NIBAN1: variants seen among roughly 807,000 people sequenced by gnomAD.
NIBAN1 encodes niban apoptosis regulator 1, also known as protein Niban 1.
In NIBAN1, 81 loss-of-function variants were observed where a neutral mutation model predicts 75.1. The ratio of observed to expected loss-of-function variants is 1.08; its 90% CI spans 0.90 to 1.30. The LOEUF is 1.30. NIBAN1 is among the 50% of genes most tolerant of loss of function. NIBAN1 has a pLI of 0.00. For missense variants in NIBAN1, 1,133 were observed against 1,128.1 expected (o/e 1.00, Z -0.06); for synonymous variants, 436 against 424.8 (o/e 1.03, Z -0.32).
intron 1 of NIBAN1, among the ~76,000 whole-genome samples, chr1:184,927,111 TTC>T: frequency 6.6e-6 from 1 of 152,354 alleles, no homozygotes; most frequent in Admixed American, 6.5e-5. Context: ...CTATTTTTAA[TTC>T]TCTGTCTGAA....
intron 1 of NIBAN1, among the ~76,000 whole-genome samples, chr1:184,903,718 A>G (rs1332221891): frequency 6.8e-6 from 1 of 147,016 alleles, no homozygotes; most frequent in African/African-American, 2.5e-5. Flanking sequence ...ACCAAGAACC[A>G]TGAGCCGATT....
chr1:184,836,468 T>C (rs1655148869), intron 5 of NIBAN1, among the ~76,000 whole-genome samples: 1 of 152,214 alleles, frequency 6.6e-6, no homozygotes, highest in Non-Finnish European at 1.5e-5. Flanking sequence ...ACTTGAAATC[T>C]TGTCCATTAC....
Position 184,794,480 on chromosome 1 carries a change from C to T in NIBAN1, c.*497G>A. 1 of 220,992 alleles carries T rather than the reference C, an allele frequency of 4.5e-6. No homozygotes were observed. Among genetic ancestry groups the T allele is most frequent in the Non-Finnish European group, 9.1e-6 (1 of 110,140 alleles). The allele number at this position is 220,992 out of a possible 1,614,324, so 13.7% of individuals were successfully genotyped here. ...GCCAGCACGGGTGACTGTTCATGACCTACCCTCTCTTGCAGTCTGACTGTG... is the reference window on the plus strand; with the variant it reads ...GCCAGCACGGGTGACTGTTCATGACTTACCCTCTCTTGCAGTCTGACTGTG... On this transcript the variant is annotated 3_prime_UTR_variant, in exon 14 of 14. Transcript: ENST00000367511.
intron 5 of NIBAN1, among the ~76,000 whole-genome samples, chr1:184,874,817 A>G (rs976076065): frequency 3.9e-5 from 6 of 152,148 alleles, no homozygotes; most frequent in African/African-American, 1.4e-4. Flanking sequence ...AAGTAAGGAT[A>G]TAGATTTGAA....
At chr1:184,866,185 T>C (rs1028849330) in intron 5 of NIBAN1, among the ~76,000 whole-genome samples, 1 of 152,104 alleles carries the variant, frequency 6.6e-6, no homozygotes, top group African/African-American at 2.4e-5. Flanking sequence ...AAATAGTCAA[T>C]GATGACATGA....
At position 184,968,128 on chromosome 1, in the gene NIBAN1, G is replaced by A. The variant is rs1658846017; in HGVS notation, c.55+6174C>T. Among the ~76,000 whole-genome samples the A allele has an allele frequency of 3.7e-5, 2 of 54,770 alleles. 1 individual carries two copies. The highest frequency in any genetic ancestry group is 9.6e-5 in the Non-Finnish European group (2 of 20,942). The allele number at this position is 54,770 out of a possible 152,430, so 35.9% of individuals were successfully genotyped here. A position where few individuals can be genotyped will look rare whatever the true frequency, so the allele number is the denominator to read the frequency against. Reference sequence around the variant, plus strand: ...TGAGGCAGGAGAATGGCGTGAACCCGGGAAGCGGAGCTTGCAGTGAGCCGA... The same window carrying A: ...TGAGGCAGGAGAATGGCGTGAACCCAGGAAGCGGAGCTTGCAGTGAGCCGA... On this transcript the variant is annotated intron_variant, in intron 1 of 13. Transcript: ENST00000367511.
chr1:184,906,349 G>T (rs1359022257), intron 1 of NIBAN1, among the ~76,000 whole-genome samples: 1 of 151,830 alleles, frequency 6.6e-6, no homozygotes, highest in Non-Finnish European at 1.5e-5. Context: ...TCAGACTCTT[G>T]GCTGGGCGCG....
chr1:184,856,099 T>G (rs1655669389), intron 5 of NIBAN1, among the ~76,000 whole-genome samples: 1 of 152,226 alleles, frequency 6.6e-6, no homozygotes, highest in African/African-American at 2.4e-5. Flanking sequence ...TATTCCCATA[T>G]TTTTCTAGTT....
At chr1:184,937,261 C>CA in intron 1 of NIBAN1, among the ~76,000 whole-genome samples, 1 of 145,492 alleles carries the variant, frequency 6.9e-6, no homozygotes, top group African/African-American at 2.5e-5. Context: ...CTTCTGGGTT[C>CA]AAGCAATGCT....
At chr1:184,965,202 C>T (rs1284314158) in intron 1 of NIBAN1, among the ~76,000 whole-genome samples, 4 of 151,704 alleles carry the variant, frequency 2.6e-5, no homozygotes, top group Non-Finnish European at 2.9e-5. Context: ...GAGAGGCTGA[C>T]GCAGGAGAAT....
chr1:184,810,698 G>A (rs570483180), intron 9 of NIBAN1, among the ~76,000 whole-genome samples: 1 of 152,222 alleles, frequency 6.6e-6, no homozygotes, highest in Admixed American at 6.5e-5. Context: ...ATTCCTGTAC[G>A]TCACCTTACC....
chr1:184,955,464 G>A (rs577922489), intron 1 of NIBAN1, among the ~76,000 whole-genome samples: 3 of 151,454 alleles, frequency 2.0e-5, no homozygotes, highest in African/African-American at 4.8e-5. Flanking sequence ...TCAGCCTCCC[G>A]AGTAGCTGGG....
rs545914137 is a variant in NIBAN1, at chr1:184,899,087, C to T, written c.186+92G>A. 1.2e-4 allele frequency: 175 copies of T among 1,425,646 alleles called. 1 individual carries two copies. The highest frequency in any genetic ancestry group is 1.6e-4 in the Non-Finnish European group (164 of 1,037,262). 88.3% of individuals were successfully genotyped at this position (1,425,646 alleles called of 1,614,324 possible). A position where few individuals can be genotyped will look rare whatever the true frequency, so the allele number is the denominator to read the frequency against. ...CTTCAGAGCAGAGTTTTTAAAACTG[C>T]CATTCAAATTATTGTTTATTTCAGA... On this transcript the variant is annotated intron_variant, in intron 2 of 13. Coordinates refer to ENST00000367511, the MANE Select transcript of NIBAN1 (RefSeq NM_052966.4).
chr1:184,874,569 C>T (rs1656186567), intron 5 of NIBAN1, among the ~76,000 whole-genome samples: 1 of 151,836 alleles, frequency 6.6e-6, no homozygotes, highest in South Asian at 2.1e-4. Context: ...AGTAACATTA[C>T]ATATATATGT....
At chr1:184,818,559 G>C (rs781779834) in intron 9 of NIBAN1, 79 bp downstream of exon 9, 2 of 1,316,530 alleles carry the variant, frequency 1.5e-6, no homozygotes, top group Non-Finnish European at 2.1e-6. Context: ...GGAAGGGAGG[G>C]AGAAATGGCA....
chr1:184,834,115 T>C (rs1327291991), intron 5 of NIBAN1, among the ~76,000 whole-genome samples: 1 of 152,068 alleles, frequency 6.6e-6, no homozygotes, highest in Non-Finnish European at 1.5e-5. Context: ...AGTGTTTGGT[T>C]TTCTGTCCTT....
chr1:184,901,985 T>C (rs1656968518), intron 1 of NIBAN1, among the ~76,000 whole-genome samples: 1 of 152,174 alleles, frequency 6.6e-6, no homozygotes, highest in Non-Finnish European at 1.5e-5. Flanking sequence ...ATTTGGCAAG[T>C]GTATCTGGAC....
chr1:184,837,236 A>C (rs1414807601), intron 5 of NIBAN1, among the ~76,000 whole-genome samples: 1 of 152,208 alleles, frequency 6.6e-6, no homozygotes, highest in African/African-American at 2.4e-5. Flanking sequence ...TGGCCCTCAG[A>C]ATCAAAATGG....
In NIBAN1 at chr1:184,823,158, T is replaced by C. The variant is rs576932269; in HGVS notation, c.985+9A>G. 20 of 1,613,324 alleles carry C rather than the reference T, an allele frequency of 1.2e-5. 1 individual carries two copies. In the African/African-American group the frequency reaches 2.5e-4, roughly 20 times the overall value. ...TTAATTAGTAAGAGCATGGATTATC[T>C]CTACTGACCTTTGATCTTTCCAATT... On this transcript the variant is annotated intron_variant, in intron 8 of 13. Coordinates refer to ENST00000367511, the MANE Select transcript of NIBAN1 (RefSeq NM_052966.4).
Sources: allele counts gnomAD v4.1 joint callset (sites outside exome capture counted in the v4.1 genomes callset), GRCh38; gene constraint gnomAD v4.1.1; transcripts MANE v1.5; gene names NCBI Gene and HGNC (gene_info 2026-07-23, HGNC 2026-07-21).